The following LELP1 variants were observed in gnomAD, a reference collection of about 807,000 sequenced individuals.
LELP1 encodes the protein late cornified envelope like proline rich 1, also known as late cornified envelope-like proline-rich protein 1.
In LELP1, 1 loss-of-function variant was observed where a neutral mutation model predicts 0.3. The observed-to-expected ratio is 2.87, with a 90% CI of 1.02 to 13.63. The LOEUF (loss-of-function observed/expected upper bound fraction) is 13.63. Among genes scored for constraint, LELP1 ranks in the 30% most tolerant of loss-of-function variants. The probability of loss-of-function intolerance (pLI) is 0.12; values close to 1 mark genes in which losing one functional copy is unlikely to be tolerated. For synonymous variants in LELP1, 57 were observed against 45.9 expected (o/e 1.24, Z -0.97); for missense variants, 122 against 118.7 (o/e 1.03, Z -0.13).
In LELP1 at chr1:153,205,113, C is replaced by A. The variant is rs1284953807; in HGVS notation, c.*109C>A. On this transcript the variant is annotated 3_prime_UTR_variant, in exon 2 of 2. Coordinates refer to ENST00000368747, the MANE Select transcript of LELP1 (RefSeq NM_001010857.3). Reference sequence around the variant, plus strand: ...ACTGACAAGTAAACGTGTTCCTCTGCTGTGCAAGACTTCTCCTGGTGTTTC... The same window carrying A: ...ACTGACAAGTAAACGTGTTCCTCTGATGTGCAAGACTTCTCCTGGTGTTTC... The A allele has an allele frequency of 2.5e-6, 2 of 806,932 alleles. No individual in the cohort carries two copies. The highest frequency in any genetic ancestry group is 2.7e-5 in the Admixed American group (1 of 37,156). 50.0% of individuals were successfully genotyped at this position (806,932 alleles called of 1,614,324 possible).
chr1:153,204,553 G>C (rs1657710771), intron 1 of LELP1, 134 bp from the exon 2 acceptor site: 2 of 689,826 alleles, frequency 2.9e-6, no homozygotes, highest in Admixed American at 4.6e-5. Flanking sequence ...ACAAGGATGA[G>C]GGCGGCCCTA....
intron 1 of LELP1, among the ~76,000 whole-genome samples, chr1:153,204,241 T>C (rs1405364254): frequency 1.3e-5 from 2 of 152,208 alleles, no homozygotes; most frequent in Non-Finnish European, 1.5e-5. Flanking sequence ...CCCATCTATC[T>C]TCAGAGGAAC....
At position 153,204,989 on chromosome 1, in the gene LELP1, C is replaced by T. The variant is rs752172456; in HGVS notation, c.282C>T (p.Cys94=). ...GCCCACATGCTTGCCCACCTCCCTG[C>T]CCTCCCCCAGAGTGAGGCACTGTGG... is the stretch of plus-strand genomic sequence containing the variant. ...SSCPHACPPP[C]PPPE The change falls in exon 2 of 2, where the codon TGC becomes TGT. Residue 94 remains cysteine, a synonymous_variant. Coordinates refer to ENST00000368747, the MANE Select transcript of LELP1 (RefSeq NM_001010857.3). 2 of 1,612,706 alleles carry T rather than the reference C, an allele frequency of 1.2e-6. No homozygotes were observed. Among genetic ancestry groups the T allele is most frequent in the South Asian group, 1.1e-5 (1 of 91,032 alleles).
chr1:153,205,055 A>G lies in LELP1; in HGVS notation c.*51A>G, dbSNP rs186653434. 1,447 of 1,398,138 alleles carry G rather than the reference A, an allele frequency of 1.0e-3. 13 individuals carry two copies. In the African/African-American group the frequency reaches 0.019, roughly 18 times the overall value. The allele number at this position is 1,398,138 out of a possible 1,614,324, so 86.6% of individuals were successfully genotyped here. A position where few individuals can be genotyped will look rare whatever the true frequency, so the allele number is the denominator to read the frequency against. ...ACCACCACTGCCACCTCCACCATGT[A>G]CAACGCTGTGGGGCTGGAGACTGAA... On this transcript the variant is annotated 3_prime_UTR_variant, in exon 2 of 2. Coordinates refer to ENST00000368747, the MANE Select transcript of LELP1 (RefSeq NM_001010857.3).
Position 153,204,758 on chromosome 1 carries a change from G to A in LELP1, c.51G>A (p.Lys17=), listed in dbSNP as rs1225348921. ...SKSNDPKTEP[K]NCDPKCEQKC... Reference sequence around the variant, plus strand: ...CAAATGACCCCAAGACTGAGCCCAAGAACTGCGATCCCAAGTGTGAACAAA... The same window carrying A: ...CAAATGACCCCAAGACTGAGCCCAAAAACTGCGATCCCAAGTGTGAACAAA... Residue 17 remains lysine, a synonymous_variant, in exon 2 of 2, where the codon AAG becomes AAA. Transcript: ENST00000368747. The A allele has an allele frequency of 1.2e-6, 2 of 1,613,962 alleles. No individual in the cohort carries two copies. The highest frequency in any genetic ancestry group is 1.3e-5 in the African/African-American group (1 of 74,902).
intron 1 of LELP1, among the ~76,000 whole-genome samples, chr1:153,204,277 C>T (rs2101678195): frequency 6.6e-6 from 1 of 152,306 alleles, no homozygotes; most frequent in African/African-American, 2.4e-5. Flanking sequence ...AGGAGCGAAA[C>T]TTCTATTGTG....
intron 1 of LELP1, among the ~76,000 whole-genome samples, chr1:153,204,066 T>A (rs1454902775): frequency 6.6e-6 from 1 of 152,084 alleles, no homozygotes; most frequent in Non-Finnish European, 1.5e-5. Context: ...GACAAAGGAG[T>A]GGGCAGTTCT....
At position 153,205,058 on chromosome 1, in the gene LELP1, A is replaced by C; in HGVS notation, c.*54A>C. 3.7e-6 allele frequency: 5 copies of C among 1,348,484 alleles called. No individual in the cohort carries two copies. The highest frequency in any genetic ancestry group is 5.2e-6 in the Non-Finnish European group (5 of 953,250). The allele number at this position is 1,348,484 out of a possible 1,614,324, so 83.5% of individuals were successfully genotyped here. ...ACCACTGCCACCTCCACCATGTACA[A>C]CGCTGTGGGGCTGGAGACTGAAACC... On this transcript the variant is annotated 3_prime_UTR_variant, in exon 2 of 2. Coordinates refer to ENST00000368747, the MANE Select transcript of LELP1 (RefSeq NM_001010857.3).
At chr1:153,204,214 A>T (rs1006896706) in intron 1 of LELP1, among the ~76,000 whole-genome samples, 1 of 152,214 alleles carries the variant, frequency 6.6e-6, no homozygotes, top group Admixed American at 6.5e-5. Context: ...TAGGCCCCCA[A>T]GTCTGCTAGT....
At position 153,204,675 on chromosome 1, in the gene LELP1, A is replaced by G. The variant is rs1557779166; in HGVS notation, c.-21-12A>G. On this transcript the variant is annotated splice_polypyrimidine_tract_variant and intron_variant, in intron 1 of 1. Coordinates refer to ENST00000368747, the MANE Select transcript of LELP1 (RefSeq NM_001010857.3). ...CTCTCCCACCTACAATGCATCTCAT[A>G]TTTCTTTGCAGGGCTCAGATAATCA... 6.3e-7 allele frequency: 1 copy of G among 1,597,530 alleles called. No homozygotes were observed. Among genetic ancestry groups the G allele is most frequent in the Non-Finnish European group, 8.6e-7 (1 of 1,165,666 alleles).
At chr1:153,204,564 A>G in intron 1 of LELP1, 123 bp from the exon 2 acceptor site, 1 of 724,026 alleles carries the variant, frequency 1.4e-6, no homozygotes, top group Non-Finnish European at 2.4e-6. Flanking sequence ...GGCGGCCCTA[A>G]ATGAGAAGAT....
At chr1:153,204,101 A>C (rs934517146) in intron 1 of LELP1, among the ~76,000 whole-genome samples, 1 of 152,198 alleles carries the variant, frequency 6.6e-6, no homozygotes, top group African/African-American at 2.4e-5. Flanking sequence ...GAACCCACTC[A>C]TGGCAGGGAT....
Position 153,205,093 on chromosome 1 carries a change from C to T in LELP1, c.*89C>T. The T allele has an allele frequency of 1.0e-6, 1 of 978,582 alleles. No individual in the cohort carries two copies. Among genetic ancestry groups the T allele is most frequent in the Non-Finnish European group, 1.5e-6 (1 of 647,078 alleles). The allele number at this position is 978,582 out of a possible 1,614,324, so 60.6% of individuals were successfully genotyped here. ...GCTGGAGACTGAAACCATGAACTGA[C>T]AAGTAAACGTGTTCCTCTGCTGTGC... On this transcript the variant is annotated 3_prime_UTR_variant, in exon 2 of 2. Transcript: ENST00000368747.
rs16835050 is a variant in LELP1, at chr1:153,204,593, A to G, written c.-21-94A>G. 7,354 of 875,718 alleles carry G rather than the reference A, an allele frequency of 8.4e-3. 340 individuals are homozygous for G. In the African/African-American group the frequency reaches 0.11, roughly 13 times the overall value. The allele number at this position is 875,718 out of a possible 1,614,324, so 54.2% of individuals were successfully genotyped here. On this transcript the variant is annotated intron_variant, in intron 1 of 1. Coordinates refer to ENST00000368747, the MANE Select transcript of LELP1 (RefSeq NM_001010857.3). ...AGAAGATGATCTAGAGCCTGAATGC[A>G]TCTCAGGGAAGACTTTCTTAAGTAC...
Position 153,204,842 on chromosome 1 carries a change from A to G in LELP1, c.135A>G (p.Glu45=). 1 of 1,613,978 alleles carries G rather than the reference A, an allele frequency of 6.2e-7. No homozygotes were observed. Among genetic ancestry groups the G allele is most frequent in the Non-Finnish European group, 8.5e-7 (1 of 1,180,022 alleles). Reference sequence around the variant, plus strand: ...AGAAGCTGCTGCAACGCTGTTTCGAAAAGTGCCCATGGGAAAAGTGTCCAG... The same window carrying G: ...AGAAGCTGCTGCAACGCTGTTTCGAGAAGTGCCCATGGGAAAAGTGTCCAG... The part of the protein sequence containing the change: ...CLKKLLQRCF[E]KCPWEKCPAP... The change falls in exon 2 of 2, where the codon GAA becomes GAG. Residue 45 remains glutamate, a synonymous_variant. Transcript: ENST00000368747.
Position 153,204,284 on chromosome 1 carries a change from T to G in LELP1, c.-21-403T>G, listed in dbSNP as rs138056965. On this transcript the variant is annotated intron_variant, in intron 1 of 1. Transcript: ENST00000368747. ...GGCCTTAGAGGAGCGAAACTTCTAT[T>G]GTGCCATGAATGCCTTGAGCAATCT... Among the ~76,000 whole-genome samples, 10 of 152,312 alleles carry G rather than the reference T, an allele frequency of 6.6e-5. No homozygotes were observed. The East Asian group carries it at 1.9e-3, about 29-fold the overall frequency.
At chr1:153,204,584 C>A in intron 1 of LELP1, 103 bp from the exon 2 acceptor site, 1 of 807,632 alleles carries the variant, frequency 1.2e-6, no homozygotes, top group Non-Finnish European at 2.0e-6. Flanking sequence ...TGATCTAGAG[C>A]CTGAATGCAT....
chr1:153,204,788 T>C lies in LELP1; in HGVS notation c.81T>C (p.Cys27=). 2 of 1,614,126 alleles carry C rather than the reference T, an allele frequency of 1.2e-6. No individual in the cohort carries two copies. The highest frequency in any genetic ancestry group is 1.7e-6 in the Non-Finnish European group (2 of 1,179,978). Residue 27 remains cysteine, a synonymous_variant, in exon 2 of 2, where the codon TGT becomes TGC. Coordinates refer to ENST00000368747, the MANE Select transcript of LELP1 (RefSeq NM_001010857.3). ...KNCDPKCEQK[C]ESKCQPSCLK... ...GCGATCCCAAGTGTGAACAAAAGTG[T>C]GAGTCCAAATGCCAGCCCAGCTGTT...
At chr1:153,204,514 G>A (rs528787107) in intron 1 of LELP1, among the ~76,000 whole-genome samples, 173 bp from the exon 2 acceptor site, 2 of 152,256 alleles carry the variant, frequency 1.3e-5, no homozygotes, top group South Asian at 2.1e-4. Flanking sequence ...TAAGGGTGGA[G>A]AGATTAAGAA....
Sources: gnomAD v4.1 joint callset for allele counts (sites outside exome capture counted in the v4.1 genomes callset) on GRCh38, gnomAD v4.1.1 for gene constraint, MANE v1.5 for transcripts, NCBI Gene and HGNC (gene_info 2026-07-23, HGNC 2026-07-21) for gene names.